Variants in MTCL2 observed in about 807,000 individuals in gnomAD.
MTCL2 encodes microtubule cross-linking factor 2.
chr20:36,815,637 T>C, the MTCL2 span: 1 of 1,605,976 alleles, frequency 6.2e-7, no homozygotes. This position sits in a 1 kb window ranked among gnomAD's most constrained non-coding sequence, Gnocchi z 5.3. Context: ...GTCACAGCGC[T>C]GGAGGTTGGA....
the MTCL2 span, among the ~76,000 whole-genome samples, chr20:36,826,853 G>A: frequency 4.0e-5 from 6 of 151,878 alleles, no homozygotes; most frequent in African/African-American, 1.5e-4. Context: ...AATTCTTTTG[G>A]GATATACCTA....
At chr20:36,797,411 G>A in the MTCL2 span, 1 of 1,351,574 alleles carries the variant, frequency 7.4e-7, no homozygotes, top group Non-Finnish European at 1.0e-6. Flanking sequence ...ATGAGACAGG[G>A]TTAGCAACTT....
At chr20:36,831,149 C>T in the MTCL2 span, among the ~76,000 whole-genome samples, 1 of 152,172 alleles carries the variant, frequency 6.6e-6, no homozygotes, top group African/African-American at 2.4e-5. Context: ...AAGGAAGGCC[C>T]TTCTGGGCTG....
At chr20:36,858,402 AC>A in the MTCL2 span, among the ~76,000 whole-genome samples, 1 of 97,898 alleles carries the variant, frequency 1.0e-5, no homozygotes, top group Non-Finnish European at 2.0e-5. Context: ...AAACACACAC[AC>A]ACACACACAC....
chr20:36,779,064 A>C, the MTCL2 span: 1 of 152,880 alleles, frequency 6.5e-6, no homozygotes, highest in African/African-American at 2.4e-5. Flanking sequence ...GCAGCAGAGG[A>C]GGCTCCAAGG....
chr20:36,813,806 G>A, the MTCL2 span, among the ~76,000 whole-genome samples: 1 of 143,438 alleles, frequency 7.0e-6, no homozygotes, highest in African/African-American at 2.6e-5. Flanking sequence ...GTGCTAAATC[G>A]CTCTCTTTCC....
chr20:36,827,542 G>C, the MTCL2 span, among the ~76,000 whole-genome samples: 2 of 151,784 alleles, frequency 1.3e-5, no homozygotes, highest in African/African-American at 4.8e-5. Flanking sequence ...ATGTTGCCCA[G>C]GCTGGTCTCG....
chr20:36,804,643 G>A, the MTCL2 span: 16 of 1,522,500 alleles, frequency 1.1e-5, no homozygotes, highest in Non-Finnish European at 1.3e-5. Flanking sequence ...TATTCCTCTA[G>A]GAGCATGGCC....
the MTCL2 span, among the ~76,000 whole-genome samples, chr20:36,841,544 G>A: frequency 6.6e-6 from 1 of 152,118 alleles, no homozygotes; most frequent in South Asian, 2.1e-4. Context: ...AGGGAACAGT[G>A]TGTGCCAAGG....
the MTCL2 span, among the ~76,000 whole-genome samples, chr20:36,790,596 G>A: frequency 1.3e-5 from 2 of 151,394 alleles, no homozygotes; most frequent in African/African-American, 4.9e-5. Flanking sequence ...TGCCACGCCT[G>A]GCTAATTTTT....
chr20:36,826,310 C>T, the MTCL2 span, among the ~76,000 whole-genome samples: 2 of 18,776 alleles, frequency 1.1e-4, no homozygotes, highest in East Asian at 4.3e-3. Context: ...CCTCCCCCTC[C>T]CCCTCCCCCT....
the MTCL2 span, among the ~76,000 whole-genome samples, chr20:36,790,425 GC>G: frequency 2.1e-5 from 3 of 139,996 alleles, no homozygotes; most frequent in African/African-American, 8.3e-5. Flanking sequence ...ACCACGCCTG[GC>G]CCTTTTTTTT....
At chr20:36,863,031 G>C in the MTCL2 span, 1 of 1,399,206 alleles carries the variant, frequency 7.1e-7, no homozygotes, top group South Asian at 1.4e-5. The surrounding 1 kb of genome is among the most constrained non-coding windows in gnomAD (Gnocchi z 6.2). Flanking sequence ...TCGCGGCCCC[G>C]CACCCGAGCG....
At chr20:36,793,242 C>T in the MTCL2 span, 4 of 1,549,064 alleles carry the variant, frequency 2.6e-6, no homozygotes, top group Non-Finnish European at 3.5e-6. This position sits in a 1 kb window ranked among gnomAD's most constrained non-coding sequence, Gnocchi z 6.8. Context: ...AGATCCCACC[C>T]ACCTACCTCA....
At chr20:36,788,791 TTTTTC>T in the MTCL2 span, among the ~76,000 whole-genome samples, 5 of 147,296 alleles carry the variant, frequency 3.4e-5, no homozygotes, top group Admixed American at 2.0e-4. Flanking sequence ...TCTTTTTTTC[TTTTTC>T]TTTTCTTTTC....
At chr20:36,778,460 C>T in the MTCL2 span, 1 of 152,280 alleles carries the variant, frequency 6.6e-6, no homozygotes, top group Non-Finnish European at 1.5e-5. Flanking sequence ...GGTGATATTC[C>T]TGCTGCTGGA....
chr20:36,841,856 A>T, the MTCL2 span, among the ~76,000 whole-genome samples: 1 of 120,764 alleles, frequency 8.3e-6, no homozygotes, highest in African/African-American at 3.1e-5. Flanking sequence ...ACAACCCCAC[A>T]TCGGGGGTGG....
the MTCL2 span, among the ~76,000 whole-genome samples, chr20:36,856,569 G>A: frequency 6.6e-6 from 1 of 152,232 alleles, no homozygotes; most frequent in Non-Finnish European, 1.5e-5. Context: ...CTGGGCCCAG[G>A]AGCTGGGCAT....
At chr20:36,833,452 G>A in the MTCL2 span, among the ~76,000 whole-genome samples, 1 of 152,258 alleles carries the variant, frequency 6.6e-6, no homozygotes, top group Non-Finnish European at 1.5e-5. Context: ...CCTGCCAAGT[G>A]CAACTAGCAG....
Sources: allele counts gnomAD v4.1 joint callset (sites outside exome capture counted in the v4.1 genomes callset), GRCh38; gene constraint gnomAD v4.1.1; non-coding constraint Gnocchi (gnomAD v3.1); transcripts MANE v1.5; gene names NCBI Gene and HGNC (gene_info 2026-07-23, HGNC 2026-07-21).